The following WIPF3 variants were observed in gnomAD, a reference collection of about 807,000 sequenced individuals.
WIPF3 encodes the protein WAS/WASL interacting protein family member 3.
Under a neutral mutation model 38.9 loss-of-function variants are expected in WIPF3, and 33 were observed. The ratio of observed to expected loss-of-function variants is 0.85; its 90% confidence interval spans 0.64 to 1.14. The LOEUF is 1.14. WIPF3 is among the 50% of genes most tolerant of loss of function. The pLI is 0.00. For synonymous variants in WIPF3, 324 were observed against 269.3 expected (o/e 1.20, Z -1.99); for missense variants, 711 against 652.5 (o/e 1.09, Z -0.98).
intron 4 of WIPF3, among the ~76,000 whole-genome samples, chr7:29,882,370 G>T (rs1206621034): frequency 1.3e-5 from 2 of 152,148 alleles, no homozygotes; most frequent in Admixed American, 1.3e-4. Context: ...GTATTATATG[G>T]AAAAAGGTTT....
At chr7:29,808,792 A>G (rs1206026649) in intron 1 of WIPF3, among the ~76,000 whole-genome samples, 3 of 152,112 alleles carry the variant, frequency 2.0e-5, no homozygotes, top group Non-Finnish European at 4.4e-5. Context: ...TCTTTTTAGG[A>G]GACTTATTGT....
intron 1 of WIPF3, among the ~76,000 whole-genome samples, chr7:29,824,527 G>A (rs1169165567): frequency 1.3e-5 from 2 of 151,330 alleles, no homozygotes; most frequent in African/African-American, 4.9e-5. Context: ...TGAATACCAT[G>A]GGCAGACTTA....
At chr7:29,849,274 G>A (rs1785052157) in intron 2 of WIPF3, among the ~76,000 whole-genome samples, 1 of 152,110 alleles carries the variant, frequency 6.6e-6, no homozygotes, top group African/African-American at 2.4e-5. Flanking sequence ...ATGGATACAA[G>A]CAACAGGAAT....
chr7:29,879,569 A>T (rs937965660), intron 4 of WIPF3, among the ~76,000 whole-genome samples: 7 of 152,228 alleles, frequency 4.6e-5, no homozygotes, highest in Admixed American at 3.9e-4. Flanking sequence ...ACACCCTAAA[A>T]CTTAAAAGCT....
At chr7:29,810,089 G>A (rs1026311200) in intron 1 of WIPF3, among the ~76,000 whole-genome samples, 5 of 152,196 alleles carry the variant, frequency 3.3e-5, no homozygotes, top group Admixed American at 6.5e-5. Context: ...GCCATCCACT[G>A]TTCCTTAAGA....
chr7:29,861,321 T>C (rs1785270859), intron 2 of WIPF3, among the ~76,000 whole-genome samples: 1 of 152,196 alleles, frequency 6.6e-6, no homozygotes, highest in Admixed American at 6.5e-5. Flanking sequence ...ATGGAAGCAC[T>C]CATTTACTAT....
At chr7:29,914,271 G>T (rs781348007) in intron 8 of WIPF3, among the ~76,000 whole-genome samples, 1 of 152,070 alleles carries the variant, frequency 6.6e-6, no homozygotes, top group Non-Finnish European at 1.5e-5. Flanking sequence ...GACAGTATTA[G>T]GTCCTCACAT....
intron 7 of WIPF3, among the ~76,000 whole-genome samples, chr7:29,890,602 C>G (rs957863218): frequency 6.6e-6 from 1 of 152,258 alleles, no homozygotes; most frequent in Non-Finnish European, 1.5e-5. Context: ...TGCCCGTCTT[C>G]TTTCAGAGGG....
intron 7 of WIPF3, among the ~76,000 whole-genome samples, chr7:29,891,706 A>G (rs1273244853): frequency 6.6e-6 from 1 of 152,196 alleles, no homozygotes; most frequent in Non-Finnish European, 1.5e-5. Flanking sequence ...TGCAAAGTGT[A>G]AGAAACAAGC....
chr7:29,892,792 C>A (rs1786050776), intron 7 of WIPF3, among the ~76,000 whole-genome samples: 1 of 152,180 alleles, frequency 6.6e-6, no homozygotes, highest in Non-Finnish European at 1.5e-5. Context: ...GGTCAGGGAA[C>A]CTGTTAGCCA....
intron 2 of WIPF3, among the ~76,000 whole-genome samples, chr7:29,871,424 A>G (rs1562782222): frequency 6.6e-6 from 1 of 152,230 alleles, no homozygotes. Context: ...CAATGGCCAC[A>G]TTGGAGAAGC....
rs146744456 is a variant in WIPF3, at chr7:29,891,507, TGA to T, written c.1351+2111_1351+2112del. ...AATGTAAATACCAACTGCTCTGAGT[TGA>T]GAGAGAGAGAAAGGGATCAGTATGA... On this transcript the variant is annotated intron_variant, in intron 7 of 8. Transcript: ENST00000242140. Among the ~76,000 whole-genome samples the T allele has an allele frequency of 8.2e-3, 1,248 of 152,094 alleles. 16 individuals carry two copies. The highest frequency in any genetic ancestry group is 0.029 in the African/African-American group (1,197 of 41,480).
intron 4 of WIPF3, among the ~76,000 whole-genome samples, chr7:29,883,440 A>G (rs1785764974): frequency 6.6e-6 from 1 of 152,232 alleles, no homozygotes; most frequent in Non-Finnish European, 1.5e-5. Context: ...GCTGGTTGGT[A>G]CACCTGAGGG....
chr7:29,827,723 A>G (rs975921286), intron 1 of WIPF3, among the ~76,000 whole-genome samples: 4 of 152,246 alleles, frequency 2.6e-5, no homozygotes, highest in African/African-American at 9.6e-5. Context: ...AAAGAGGAAC[A>G]GTGTCAAAAC....
intron 1 of WIPF3, among the ~76,000 whole-genome samples, chr7:29,811,461 A>G (rs1313871636): frequency 1.3e-5 from 2 of 152,212 alleles, no homozygotes; most frequent in South Asian, 4.1e-4. Context: ...CAGAACCAGA[A>G]TAGATCATAA....
chr7:29,826,935 C>T (rs1784624621), intron 1 of WIPF3, among the ~76,000 whole-genome samples: 1 of 152,310 alleles, frequency 6.6e-6, no homozygotes, highest in South Asian at 2.1e-4. Flanking sequence ...GGGCAAGTTT[C>T]TTGACCTCTC....
intron 6 of WIPF3, 39 bp downstream of exon 6, chr7:29,888,256 A>G (rs2128077089): frequency 6.4e-7 from 1 of 1,572,820 alleles, no homozygotes; most frequent in East Asian, 2.3e-5. Context: ...GGCTGCCAGT[A>G]GGAAAGTGAT....
chr7:29,908,917 A>T (rs1786452534), intron 8 of WIPF3, among the ~76,000 whole-genome samples: 3 of 151,914 alleles, frequency 2.0e-5, no homozygotes, highest in Non-Finnish European at 4.4e-5. Context: ...TCAAAAAAAA[A>T]AAAAAAAAAA....
Position 29,884,702 on chromosome 7 carries a change from T to C in WIPF3, c.1099+109T>C, listed in dbSNP as rs1785835951. 4 of 1,419,584 alleles carry C rather than the reference T, an allele frequency of 2.8e-6. 1 individual carries two copies. In the South Asian group the frequency reaches 5.8e-5, roughly 21 times the overall value. 87.9% of individuals were successfully genotyped at this position (1,419,584 alleles called of 1,614,324 possible). On this transcript the variant is annotated intron_variant, in intron 5 of 8. Transcript: ENST00000242140. ...TCGTTTCAGAGATGGACACCAGGGG[T>C]GAGGGAGGCAGAGAGACTTGCCCAA...
Sources: allele counts gnomAD v4.1 joint callset (sites outside exome capture counted in the v4.1 genomes callset), GRCh38; gene constraint gnomAD v4.1.1; transcripts MANE v1.5; gene names NCBI Gene and HGNC (gene_info 2026-07-23, HGNC 2026-07-21).